Variants in FYB1 observed in about 807,000 individuals in gnomAD.
FYB1 encodes FYN binding protein 1.
A neutral mutation model predicts 94.1 loss-of-function variants in FYB1; 41 were observed. The ratio of observed to expected loss-of-function variants is 0.44; its 90% CI spans 0.34 to 0.57. FYB1 has a LOEUF of 0.57. FYB1 is among the 20% of genes least tolerant of loss of function. The pLI is 0.02. For synonymous variants in FYB1, 367 were observed against 353.2 expected (o/e 1.04, Z -0.44); for missense variants, 1,050 against 976.8 (o/e 1.07, Z -1.00).
intron 9 of FYB1, among the ~76,000 whole-genome samples, chr5:39,133,784 A>C (rs979479117): frequency 1.3e-5 from 2 of 152,288 alleles, no homozygotes; most frequent in Non-Finnish European, 2.9e-5. Flanking sequence ...TGCCATAAAA[A>C]TCATTTTTTG....
chr5:39,199,132 T>C (rs181555407), intron 2 of FYB1, among the ~76,000 whole-genome samples: 2 of 151,684 alleles, frequency 1.3e-5, no homozygotes, highest in Non-Finnish European at 2.9e-5. Context: ...TTAATAATTA[T>C]TTATTTTCTA....
chr5:39,122,861 G>T (rs951967541), intron 13 of FYB1, among the ~76,000 whole-genome samples: 1 of 151,786 alleles, frequency 6.6e-6, no homozygotes, highest in African/African-American at 2.4e-5. Context: ...CCTTTCCTTC[G>T]CCTCATTGAT....
rs1739867619 is a variant in FYB1, at chr5:39,119,343, A to G, written c.2238+192T>C. 2.0e-5 allele frequency among the ~76,000 whole-genome samples: 3 copies of G among 152,126 alleles called. 1 individual carries two copies. In the South Asian group the frequency reaches 6.2e-4, roughly 31 times the overall value. On this transcript the variant is annotated intron_variant, in intron 15 of 18. Transcript: ENST00000512982. ...TAATCTTTTATAAAAATAAATTTAA[A>G]TCTAAAATAAATTTTGTTCAAAATA... is the stretch of plus-strand genomic sequence containing the variant.
chr5:39,229,263 C>T (rs1750617730), intron 1 of FYB1, among the ~76,000 whole-genome samples: 1 of 152,122 alleles, frequency 6.6e-6, no homozygotes, highest in South Asian at 2.1e-4. Flanking sequence ...GGATTGATGT[C>T]CACCATTCCC....
At chr5:39,113,968 T>C (rs1330103734) in intron 16 of FYB1, among the ~76,000 whole-genome samples, 1 of 152,150 alleles carries the variant, frequency 6.6e-6, no homozygotes, top group African/African-American at 2.4e-5. Flanking sequence ...TGGGGCTTCA[T>C]ATTTGGACGA....
intron 2 of FYB1, among the ~76,000 whole-genome samples, chr5:39,166,526 AGTCATAGAATCAACCTAAGT>A (rs1428653160): frequency 6.6e-6 from 1 of 152,190 alleles, no homozygotes; most frequent in Non-Finnish European, 1.5e-5. Flanking sequence ...ACAATAGCAA[AGTCATAGAATCAACCTAAGT>A]GTCCATCAAT....
Position 39,175,662 on chromosome 5 carries a change from C to G in FYB1, c.1136-22058G>C, listed in dbSNP as rs147980567. The stretch of plus-strand genomic sequence containing the variant: ...TTTTAAACTGCAGGCTCCTAACTAC[C>G]CAGTATTCTTCCTGGCCACTCCTTA... On this transcript the variant is annotated intron_variant, in intron 2 of 18. Coordinates refer to ENST00000512982, the MANE Select transcript of FYB1 (RefSeq NM_001465.6). Among the ~76,000 whole-genome samples, 46 of 152,248 alleles carry G rather than the reference C, an allele frequency of 3.0e-4. No individual in the cohort carries two copies. The East Asian group carries it at 8.9e-3, about 29-fold the overall frequency.
At chr5:39,153,866 T>C (rs1036513283) in intron 2 of FYB1, among the ~76,000 whole-genome samples, 1 of 152,116 alleles carries the variant, frequency 6.6e-6, no homozygotes, top group Non-Finnish European at 1.5e-5. Context: ...CTCAGACTCC[T>C]GGGCTTTCGA....
chr5:39,153,664 A>G (rs1580403727), intron 2 of FYB1, 60 bp from the exon 3 acceptor site: 1 of 1,490,738 alleles, frequency 6.7e-7, no homozygotes, highest in Non-Finnish European at 9.1e-7. Context: ...GAAGATTGTT[A>G]ATTGCAAACA....
intron 14 of FYB1, among the ~76,000 whole-genome samples, chr5:39,120,653 G>C (rs190166255): frequency 6.6e-6 from 1 of 152,092 alleles, no homozygotes; most frequent in African/African-American, 2.4e-5. Flanking sequence ...ATTATGGATG[G>C]TAGGGAAGAG....
intron 1 of FYB1, among the ~76,000 whole-genome samples, chr5:39,207,359 C>G (rs1748955258): frequency 1.3e-5 from 2 of 152,174 alleles, no homozygotes; most frequent in Non-Finnish European, 2.9e-5. Flanking sequence ...TATATTTTGC[C>G]TTTCCTCAGA....
At chr5:39,146,174 C>A (rs1161963240) in intron 3 of FYB1, among the ~76,000 whole-genome samples, 1 of 152,100 alleles carries the variant, frequency 6.6e-6, no homozygotes, top group African/African-American at 2.4e-5. Context: ...CTCAGCCTCC[C>A]AAAGTGCTAG....
intron 2 of FYB1, among the ~76,000 whole-genome samples, chr5:39,197,607 T>C (rs1290125066): frequency 1.3e-5 from 2 of 152,358 alleles, no homozygotes; most frequent in African/African-American, 4.8e-5. Context: ...GGAAAGCAAA[T>C]GCACTCTGGA....
At chr5:39,256,432 G>A (rs1375923813) in intron 1 of FYB1, among the ~76,000 whole-genome samples, 4 of 152,146 alleles carry the variant, frequency 2.6e-5, no homozygotes, top group Non-Finnish European at 5.9e-5. Flanking sequence ...AGAATATTAC[G>A]TACGGGTTTT....
chr5:39,205,065 G>C (rs1748723178), intron 1 of FYB1, among the ~76,000 whole-genome samples: 1 of 152,146 alleles, frequency 6.6e-6, no homozygotes, highest in African/African-American at 2.4e-5. Context: ...AGAGAGATCA[G>C]AGTTGCAGAG....
chr5:39,242,295 C>T (rs954981501), intron 1 of FYB1, among the ~76,000 whole-genome samples: 24 of 141,808 alleles, frequency 1.7e-4, no homozygotes, highest in Admixed American at 7.0e-5. Context: ...CCCCCTCCCC[C>T]CACGCCACGA....
At chr5:39,213,656 G>C (rs995937556) in intron 1 of FYB1, among the ~76,000 whole-genome samples, 1 of 152,200 alleles carries the variant, frequency 6.6e-6, no homozygotes, top group East Asian at 1.9e-4. Context: ...AAAACATTTA[G>C]TCTCTGTGTG....
rs544459288 is a variant in FYB1 at position 39,262,617 on chromosome 5, C to T, written c.-28+11786G>A. ...TTAGATAAACTTGAAGGTTCTCATA[C>T]CCTCTATGCCAAAGGATGTTCATCT... On this transcript the variant is annotated intron_variant, in intron 1 of 1. Coordinates refer to the FYB1 transcript ENST00000510188. Among the ~76,000 whole-genome samples the T allele has an allele frequency of 7.9e-5, 12 of 152,188 alleles. No individual in the cohort carries two copies. In the South Asian group the frequency reaches 2.5e-3, roughly 32 times the overall value.
Position 39,163,969 on chromosome 5 carries a change from AG to A in FYB1, c.1136-10366del, listed in dbSNP as rs540183063. On this transcript the variant is annotated intron_variant, in intron 2 of 18. Coordinates refer to ENST00000512982, the MANE Select transcript of FYB1 (RefSeq NM_001465.6). ...CTCAGATGAACACTTTCAATTTTTG[AG>A]GGAATAGTGAATGTTTTGGCTAAAT... Among the ~76,000 whole-genome samples the A allele has an allele frequency of 2.4e-3, 371 of 152,362 alleles. 1 individual carries two copies. The highest frequency in any genetic ancestry group is 3.3e-3 in the South Asian group (16 of 4,832).
Sources: gnomAD v4.1 joint callset for allele counts (sites outside exome capture counted in the v4.1 genomes callset) on GRCh38, gnomAD v4.1.1 for gene constraint, MANE v1.5 for transcripts, NCBI Gene and HGNC (gene_info 2026-07-23, HGNC 2026-07-21) for gene names.